The following MERTK variants were observed in gnomAD, a reference collection of about 807,000 sequenced individuals.
MERTK encodes tyrosine-protein kinase Mer.
MERTK carries 69 observed loss-of-function variants against 99.3 expected under a neutral mutation model. The ratio of observed to expected loss-of-function variants is 0.70; its 90% CI spans 0.57 to 0.85. The LOEUF is 0.85. Among genes scored for constraint, MERTK ranks in the 40% least tolerant of loss-of-function variants. The pLI, the probability that MERTK is intolerant of heterozygous loss-of-function variation, is 0.00. For synonymous variants in MERTK, 426 were observed against 467.6 expected, an observed-to-expected ratio of 0.91 and a Z score of 1.15; for missense variants, 1,125 against 1,249.4, an observed-to-expected ratio of 0.90 and a Z score of 1.50.
rs143503756 is a variant in MERTK, at chr2:111,993,408, T to C, written c.1297-843T>C. ...TGCTGTTCATTGATGACCTGTGACA[T>C]CTGTGACCTGTGACATCTGTGACCT... On this transcript the variant is annotated intron_variant, in intron 8 of 18. Transcript: ENST00000295408. Among the ~76,000 whole-genome samples, 31 of 152,186 alleles carry C rather than the reference T, an allele frequency of 2.0e-4. 1 individual carries two copies. Among genetic ancestry groups the C allele is most frequent in the Non-Finnish European group, 4.1e-4 (28 of 67,992 alleles).
chr2:111,904,712 T>G (rs1203347011), intron 1 of MERTK, among the ~76,000 whole-genome samples: 2 of 152,154 alleles, frequency 1.3e-5, no homozygotes, highest in Non-Finnish European at 2.9e-5. Flanking sequence ...CGAGCTAGGT[T>G]TTCCCAATGA....
chr2:111,929,096 A>C, intron 1 of MERTK, 24 bp from the exon 2 acceptor site: 1 of 1,614,066 alleles, frequency 6.2e-7, no homozygotes, highest in Non-Finnish European at 8.5e-7. Flanking sequence ...TAAAAGGCTA[A>C]AATTTGGATG....
intron 6 of MERTK, 53 bp downstream of exon 6, chr2:111,968,305 T>A: frequency 6.9e-7 from 1 of 1,454,610 alleles, no homozygotes; most frequent in Non-Finnish European, 9.7e-7. Flanking sequence ...TCTGTGGGTT[T>A]AAGGATTTTT....
chr2:111,909,541 C>T (rs1388694351), intron 1 of MERTK, among the ~76,000 whole-genome samples: 1 of 152,122 alleles, frequency 6.6e-6, no homozygotes, highest in African/African-American at 2.4e-5. Flanking sequence ...CACCCCAGCA[C>T]CTGGATTCAC....
At chr2:111,901,972 G>A (rs1347586389) in intron 1 of MERTK, among the ~76,000 whole-genome samples, 1 of 151,988 alleles carries the variant, frequency 6.6e-6, no homozygotes, top group African/African-American at 2.4e-5. Context: ...GCAACTTCCC[G>A]CCTCCCGGGT....
At chr2:111,960,146 G>A (rs1394703198) in intron 4 of MERTK, among the ~76,000 whole-genome samples, 1 of 152,084 alleles carries the variant, frequency 6.6e-6, no homozygotes, top group African/African-American at 2.4e-5. Flanking sequence ...TGGTTGCTGT[G>A]GTGCATTGTC....
At chr2:111,957,028 C>T (rs993181153) in intron 4 of MERTK, among the ~76,000 whole-genome samples, 3 of 150,904 alleles carry the variant, frequency 2.0e-5, no homozygotes, top group Admixed American at 6.6e-5. Context: ...CCCGGGTTCA[C>T]GCCATTGTCC....
At chr2:112,001,137 GA>G in intron 10 of MERTK, 63 bp from the exon 11 acceptor site, 1 of 1,252,386 alleles carries the variant, frequency 8.0e-7, no homozygotes, top group Non-Finnish European at 1.2e-6. Flanking sequence ...CATCCTTGTG[GA>G]ATCAGTGCCT....
chr2:111,957,200 T>A (rs1685165361), intron 4 of MERTK, among the ~76,000 whole-genome samples: 1 of 151,836 alleles, frequency 6.6e-6, no homozygotes, highest in African/African-American at 2.4e-5. Flanking sequence ...GGATTACAGG[T>A]GTGAGCCACT....
chr2:112,008,841 A>G, intron 14 of MERTK: 1 of 320,240 alleles, frequency 3.1e-6, no homozygotes, highest in Non-Finnish European at 6.0e-6. Flanking sequence ...TAAAGGTGAA[A>G]AAGTAGGCAA....
intron 8 of MERTK, among the ~76,000 whole-genome samples, chr2:111,983,688 G>A (rs1459752907): frequency 6.6e-6 from 1 of 152,222 alleles, no homozygotes; most frequent in Non-Finnish European, 1.5e-5. Context: ...GGGTACTAGG[G>A]TCAAGGGCTC....
chr2:111,967,098 TC>T (rs1417191999), intron 5 of MERTK, among the ~76,000 whole-genome samples: 1 of 152,184 alleles, frequency 6.6e-6, no homozygotes, highest in Non-Finnish European at 1.5e-5. Flanking sequence ...TAAACCAGAC[TC>T]ACAGTCCCTG....
intron 9 of MERTK, chr2:111,996,431 A>G (rs1054913269): frequency 2.6e-5 from 4 of 154,176 alleles, no homozygotes; most frequent in Non-Finnish European, 5.9e-5. Flanking sequence ...TTGCGGAGAC[A>G]TGTGGCTGTG....
At position 112,019,137 on chromosome 2, in the gene MERTK, C is replaced by G. The variant is rs139498364; in HGVS notation, c.2080-276C>G. Among the ~76,000 whole-genome samples the G allele has an allele frequency of 1.4e-3, 210 of 152,210 alleles. 1 individual carries two copies. Among genetic ancestry groups the G allele is most frequent in the African/African-American group, 4.8e-3 (201 of 41,518 alleles). Reference sequence around the variant, plus strand: ...GATACACGGAAGGATCACGTTTGACCTCATACCTTCTAAAAAGAAACAATG... The same window carrying G: ...GATACACGGAAGGATCACGTTTGACGTCATACCTTCTAAAAAGAAACAATG... On this transcript the variant is annotated intron_variant, in intron 15 of 18. Coordinates refer to ENST00000295408, the MANE Select transcript of MERTK (RefSeq NM_006343.3).
At chr2:111,973,838 C>T (rs185821258) in intron 6 of MERTK, among the ~76,000 whole-genome samples, 7 of 151,988 alleles carry the variant, frequency 4.6e-5, no homozygotes, top group Admixed American at 2.6e-4. Flanking sequence ...TGCTGGGAAT[C>T]GCCCTCTCTT....
chr2:112,022,307 C>T lies in MERTK; in HGVS notation c.2399C>T (p.Pro800Leu), dbSNP rs1294863243. ...MWEIATRGMT[P>L]YPGVQNHEMY... ...GAAATAGCTACGCGGGGAATGACTC[C>T]CTATCCTGGGGTCCAGAACCATGAG... is the stretch of plus-strand genomic sequence containing the variant. Residue 800 changes from proline (P) to leucine (L), a missense_variant, in exon 18 of 19, where the codon CCC becomes CTC. Physicochemically the swap from Pro to Leu is moderately conservative, Grantham distance 98 (BLOSUM62 -3). Transcript: ENST00000295408. 1 of 1,614,208 alleles carries T rather than the reference C, an allele frequency of 6.2e-7. No homozygotes were observed. Among genetic ancestry groups the T allele is most frequent in the Non-Finnish European group, 8.5e-7 (1 of 1,180,052 alleles).
chr2:112,006,768 A>G (rs1440874754), intron 13 of MERTK, among the ~76,000 whole-genome samples: 4 of 152,298 alleles, frequency 2.6e-5, no homozygotes, highest in African/African-American at 9.6e-5. Context: ...GCAGAGCCCT[A>G]CCCCTGTATT....
intron 4 of MERTK, among the ~76,000 whole-genome samples, chr2:111,962,137 T>C (rs1016625998): frequency 1.3e-5 from 2 of 152,212 alleles, no homozygotes; most frequent in African/African-American, 4.8e-5. Flanking sequence ...TGTCAGATGA[T>C]GTTTCTGTGT....
At chr2:111,951,310 G>T (rs1214213156) in intron 4 of MERTK, among the ~76,000 whole-genome samples, 1 of 151,744 alleles carries the variant, frequency 6.6e-6, no homozygotes, top group Non-Finnish European at 1.5e-5. Context: ...TTTTGACCAA[G>T]TCCTCACCCA....
Sources: gnomAD v4.1 joint callset for allele counts (sites outside exome capture counted in the v4.1 genomes callset) on GRCh38, gnomAD v4.1.1 for gene constraint, MANE v1.5 for transcripts, NCBI Gene and HGNC (gene_info 2026-07-23, HGNC 2026-07-21) for gene names.